Variants in NBEAL1 observed in about 807,000 individuals in gnomAD.
The protein encoded by NBEAL1 is neurobeachin like 1.
NBEAL1 carries 273 observed loss-of-function variants against 351.3 expected under a neutral mutation model. The ratio of observed to expected loss-of-function variants is 0.78; its 90% confidence interval spans 0.70 to 0.86. The LOEUF (loss-of-function observed/expected upper bound fraction) is 0.86. Among genes scored for constraint, NBEAL1 ranks in the 40% least tolerant of loss-of-function variants. The pLI is 0.00. For synonymous variants in NBEAL1, 1,050 were observed against 1,086.4 expected (o/e 0.97, Z 0.66); for missense variants, 2,961 against 3,201.3 (o/e 0.92, Z 1.81).
intron 19 of NBEAL1, 28 bp from the exon 20 acceptor site, chr2:203,125,324 G>T (rs1272036986): frequency 1.4e-6 from 2 of 1,416,432 alleles, no homozygotes; most frequent in Non-Finnish European, 1.9e-6. Flanking sequence ...CCTTTTATAA[G>T]ATTTAAACAT....
At chr2:203,052,605 T>C (rs557582964) in intron 4 of NBEAL1, among the ~76,000 whole-genome samples, 2 of 152,272 alleles carry the variant, frequency 1.3e-5, no homozygotes, top group South Asian at 4.1e-4. Flanking sequence ...TCACCCATGC[T>C]GGAGTGCAGC....
chr2:203,170,901 CTG>C (rs886625892), intron 39 of NBEAL1, among the ~76,000 whole-genome samples: 13 of 152,152 alleles, frequency 8.5e-5, no homozygotes, highest in East Asian at 3.8e-4. Context: ...TATCAAGACA[CTG>C]TTTTTTAATA....
At chr2:203,071,596 G>A (rs1011717299) in intron 7 of NBEAL1, among the ~76,000 whole-genome samples, 1 of 152,132 alleles carries the variant, frequency 6.6e-6, no homozygotes, top group Non-Finnish European at 1.5e-5. Context: ...AGCCCCAAAT[G>A]TCTTAACTCA....
At chr2:203,038,171 G>A (rs1285926333) in intron 2 of NBEAL1, among the ~76,000 whole-genome samples, 2 of 149,006 alleles carry the variant, frequency 1.3e-5, no homozygotes, top group Non-Finnish European at 3.0e-5. Context: ...TCAGCTTTGG[G>A]CTATTATAAA....
chr2:203,201,784 G>A lies in NBEAL1; in HGVS notation c.7411+69G>A, dbSNP rs190679388. Reference sequence around the variant, plus strand: ...TTTTTCTTAAGTATAAAAGTAGTACGTGCTCTTTGTAAAGAGCATTAAATT... The same window carrying A: ...TTTTTCTTAAGTATAAAAGTAGTACATGCTCTTTGTAAAGAGCATTAAATT... On this transcript the variant is annotated intron_variant, in intron 50 of 55. Transcript: ENST00000683969. 4.2e-5 allele frequency: 55 copies of A among 1,294,730 alleles called. 1 individual carries two copies. The Middle Eastern group carries it at 3.6e-3, about 84-fold the overall frequency. 80.2% of individuals were successfully genotyped at this position (1,294,730 alleles called of 1,614,324 possible).
intron 39 of NBEAL1, among the ~76,000 whole-genome samples, chr2:203,170,868 A>G (rs1412058697): frequency 6.6e-6 from 1 of 152,238 alleles, no homozygotes; most frequent in African/African-American, 2.4e-5. Flanking sequence ...ATGTTTCATT[A>G]AAATAGTTGG....
rs923860058 is a variant in NBEAL1 at position 203,224,823 on chromosome 2, A to G, written c.*7469A>G. 6.6e-6 allele frequency among the ~76,000 whole-genome samples: 1 copy of G among 152,224 alleles called. No homozygotes were observed. The highest frequency in any genetic ancestry group is 2.4e-5 in the African/African-American group (1 of 41,474). On this transcript the variant is annotated 3_prime_UTR_variant, in exon 56 of 56. Coordinates refer to ENST00000683969, the MANE Select transcript of NBEAL1 (RefSeq NM_001378026.1). Reference sequence around the variant, plus strand: ...TGTATGCCCCCCAAAAACATTTTAAAGCTGAGCAATTTTTAATAAAGATGT... The same window carrying G: ...TGTATGCCCCCCAAAAACATTTTAAGGCTGAGCAATTTTTAATAAAGATGT...
intron 48 of NBEAL1, 69 bp from the exon 49 acceptor site, chr2:203,199,269 C>T (rs536102483): frequency 2.4e-6 from 2 of 822,568 alleles, no homozygotes; most frequent in South Asian, 3.2e-5. Context: ...GTCATGTGAG[C>T]ATCTGGTTAT....
chr2:203,151,958 TTTC>T (rs1042128226), intron 35 of NBEAL1, among the ~76,000 whole-genome samples: 3 of 152,058 alleles, frequency 2.0e-5, no homozygotes, highest in African/African-American at 4.8e-5. Flanking sequence ...TTTTTTTTCT[TTTC>T]TTTTCTTTTT....
chr2:203,210,807 A>G, intron 53 of NBEAL1, 151 bp from the exon 54 acceptor site: 1 of 418,320 alleles, frequency 2.4e-6, no homozygotes, highest in African/African-American at 2.0e-5. Context: ...CTTTAATAAT[A>G]TTGTCTACAC....
intron 2 of NBEAL1, among the ~76,000 whole-genome samples, chr2:203,033,790 T>G (rs764136480): frequency 1.3e-5 from 2 of 152,212 alleles, no homozygotes; most frequent in Admixed American, 1.3e-4. Context: ...ATCCACTGTT[T>G]CCTATCATTT....
intron 50 of NBEAL1, 47 bp downstream of exon 50, chr2:203,201,762 T>A (rs760224922): frequency 6.7e-6 from 10 of 1,502,956 alleles, no homozygotes; most frequent in Non-Finnish European, 9.0e-6. Context: ...TTTTCTTTTT[T>A]TCTTAAGTAT....
intron 26 of NBEAL1, 117 bp downstream of exon 26, chr2:203,132,249 C>T (rs2063090370): frequency 1.5e-6 from 1 of 654,290 alleles, no homozygotes; most frequent in Admixed American, 3.3e-5. Context: ...GCAGGGCCTT[C>T]CTTGGATACC....
Position 203,221,128 on chromosome 2 carries a change from A to G in NBEAL1, c.*3774A>G, listed in dbSNP as rs547894838. ...CTTAAGACATTTTATATTTTGTGTG[A>G]AAAGGAGTGGTCAGGGGAAACTGTT... On this transcript the variant is annotated 3_prime_UTR_variant, in exon 56 of 56. Transcript: ENST00000683969. Among the ~76,000 whole-genome samples the G allele has an allele frequency of 3.3e-5, 5 of 152,152 alleles. No individual in the cohort carries two copies. In the South Asian group the frequency reaches 1.0e-3, roughly 32 times the overall value.
At chr2:203,153,302 A>T (rs1426213510) in intron 35 of NBEAL1, among the ~76,000 whole-genome samples, 13 of 124,140 alleles carry the variant, frequency 1.0e-4, no homozygotes, top group Admixed American at 1.8e-4. Context: ...CATGCCCAGC[A>T]TTTTTTTTTT....
intron 54 of NBEAL1, among the ~76,000 whole-genome samples, chr2:203,213,151 A>G (rs1437257191): frequency 2.0e-5 from 3 of 152,206 alleles, no homozygotes; most frequent in Admixed American, 2.0e-4. Context: ...GAATGTAATA[A>G]TAAGATGTAA....
At chr2:203,184,690 AT>A (rs1184458818) in intron 44 of NBEAL1, among the ~76,000 whole-genome samples, 1 of 151,604 alleles carries the variant, frequency 6.6e-6, no homozygotes, top group Non-Finnish European at 1.5e-5. Context: ...TATTTATAAA[AT>A]TCAGAATTTG....
At chr2:203,065,987 C>G (rs1022643129) in intron 6 of NBEAL1, among the ~76,000 whole-genome samples, 1 of 152,150 alleles carries the variant, frequency 6.6e-6, no homozygotes, top group Non-Finnish European at 1.5e-5. Flanking sequence ...TGAAAACATG[C>G]AGTACAAACT....
intron 11 of NBEAL1, 125 bp downstream of exon 11, chr2:203,097,758 A>G (rs2062214048): frequency 8.6e-6 from 2 of 233,766 alleles, no homozygotes; most frequent in Admixed American, 6.5e-5. Context: ...AATATTTATT[A>G]ATTATTTTTG....
Sources: gnomAD v4.1 joint callset for allele counts (sites outside exome capture counted in the v4.1 genomes callset) on GRCh38, gnomAD v4.1.1 for gene constraint, MANE v1.5 for transcripts, NCBI Gene and HGNC (gene_info 2026-07-23, HGNC 2026-07-21) for gene names.